The following EML5 variants were observed in gnomAD, a reference collection of about 807,000 sequenced individuals.
EML5 encodes echinoderm microtubule-associated protein-like 5.
In EML5, 120 loss-of-function variants were observed where a neutral mutation model predicts 250.0. The observed-to-expected ratio is 0.48, with a 90% confidence interval of 0.41 to 0.56. The LOEUF is 0.56. EML5 is among the 20% of genes least tolerant of loss of function. The probability of loss-of-function intolerance (pLI) is 0.00; values close to 1 mark genes in which losing one functional copy is unlikely to be tolerated. For synonymous variants in EML5, 771 were observed against 806.5 expected, an observed-to-expected ratio of 0.96 and a Z score of 0.75; for missense variants, 2,006 against 2,437.6, an observed-to-expected ratio of 0.82 and a Z score of 3.73.
intron 37 of EML5, 21 bp downstream of exon 37, chr14:88,622,583 T>C (rs776465663): frequency 6.4e-7 from 1 of 1,564,404 alleles, no homozygotes; most frequent in Non-Finnish European, 8.7e-7. Context: ...CTGCACTGTA[T>C]CAGCTCATGG....
intron 33 of EML5, among the ~76,000 whole-genome samples, chr14:88,630,023 A>ATTTTTTTT (rs58382081): frequency 8.3e-5 from 7 of 84,246 alleles, no homozygotes; most frequent in Non-Finnish European, 1.6e-4. Flanking sequence ...TAAAAACTGT[A>ATTTTTTTT]TTTTTTTTTT....
Position 88,750,850 on chromosome 14 carries a change from T to C in EML5, c.357+3662A>G, listed in dbSNP as rs535455388. On this transcript the variant is annotated intron_variant, in intron 2 of 43. Coordinates refer to ENST00000554922, the MANE Select transcript of EML5 (RefSeq NM_183387.3). The stretch of plus-strand genomic sequence containing the variant: ...TCAGCAAAAATCTAGCTAGAACAAA[T>C]GTATCTACCTCTTGCTATCAGAATA... Among the ~76,000 whole-genome samples the C allele has an allele frequency of 2.6e-5, 4 of 152,280 alleles. No homozygotes were observed. The East Asian group carries it at 5.8e-4, about 22-fold the overall frequency.
chr14:88,674,542 T>C (rs1170918060), intron 21 of EML5, among the ~76,000 whole-genome samples: 2 of 152,054 alleles, frequency 1.3e-5, no homozygotes, highest in Non-Finnish European at 2.9e-5. Context: ...CATGATTCAA[T>C]TACCTCCCAC....
intron 14 of EML5, among the ~76,000 whole-genome samples, chr14:88,699,792 G>C (rs1002823613): frequency 6.6e-6 from 1 of 152,072 alleles, no homozygotes; most frequent in African/African-American, 2.4e-5. Context: ...TCCAGGCTTA[G>C]GCAACCAAGT....
At chr14:88,618,128 A>G (rs1321950313) in intron 41 of EML5, 100 bp downstream of exon 41, 1 of 920,366 alleles carries the variant, frequency 1.1e-6, no homozygotes, top group East Asian at 2.6e-5. Context: ...TTGAAACTCA[A>G]TTACTATTCC....
At position 88,615,796 on chromosome 14, in the gene EML5, T is replaced by G; in HGVS notation, c.*22A>C. 1 of 1,607,506 alleles carries G rather than the reference T, an allele frequency of 6.2e-7. No individual in the cohort carries two copies. The highest frequency in any genetic ancestry group is 8.5e-7 in the Non-Finnish European group (1 of 1,177,016). On this transcript the variant is annotated 3_prime_UTR_variant, in exon 44 of 44. Transcript: ENST00000554922. ...TGTAATTCTGGTCTCAAAGTTAATT[T>G]CTGTAGTCATCTCAGCATCTCTCAG...
chr14:88,686,471 C>T (rs1158850500), intron 19 of EML5, among the ~76,000 whole-genome samples: 1 of 151,736 alleles, frequency 6.6e-6, no homozygotes, highest in Non-Finnish European at 1.5e-5. Flanking sequence ...GGAGGATGGT[C>T]GGCGGACAGG....
chr14:88,699,308 C>T (rs982198629), intron 14 of EML5, among the ~76,000 whole-genome samples: 1 of 151,946 alleles, frequency 6.6e-6, no homozygotes, highest in Non-Finnish European at 1.5e-5. Context: ...AAATAGTTTA[C>T]AAAGAGGCAA....
At chr14:88,678,003 G>A (rs1244977327) in intron 21 of EML5, among the ~76,000 whole-genome samples, 1 of 152,158 alleles carries the variant, frequency 6.6e-6, no homozygotes, top group Non-Finnish European at 1.5e-5. Context: ...TATGTTCACT[G>A]CAGCACTATT....
Position 88,665,403 on chromosome 14 carries a change from T to A in EML5, c.3211A>T (p.Thr1071Ser), listed in dbSNP as rs1178485569. The change falls in exon 22 of 44, where the codon ACT becomes TCT. Residue 1071 changes from threonine to serine, a missense_variant. Thr to Ser is a moderately conservative substitution (Grantham distance 58). Around this residue, in one of 7 missense-constraint regions of EML5, gnomAD observed 1,375 missense variants for 1,590.3 expected, o/e 0.86. Coordinates refer to ENST00000554922, the MANE Select transcript of EML5 (RefSeq NM_183387.3). ...DGSFLMANAD[T>S]LEDLVSFHHR... ...TGAAAAGACACAAGATCCTCTAGAG[T>A]ATCCGCATTTGCCATTAAGAAGCTT... is the stretch of plus-strand genomic sequence containing the variant. The A allele has an allele frequency of 6.2e-7, 1 of 1,613,860 alleles. No homozygotes were observed. Among genetic ancestry groups the A allele is most frequent in the Non-Finnish European group, 8.5e-7 (1 of 1,179,852 alleles).
Position 88,612,988 on chromosome 14 carries a change from A to AG in EML5, c.*2829_*2830insC, listed in dbSNP as rs1272717370. ...GACCAAATTAAACTGCTAAAAAAAA[A>AG]AAAAAAGTTCATTGACTTGCTTAGT... On this transcript the variant is annotated 3_prime_UTR_variant, in exon 44 of 44. Transcript: ENST00000554922. The AG allele has an allele frequency of 6.6e-6, 1 of 152,620 alleles. No homozygotes were observed. The highest frequency in any genetic ancestry group is 1.5e-5 in the Non-Finnish European group (1 of 68,044). The allele number at this position is 152,620 out of a possible 1,614,324, so 9.5% of individuals were successfully genotyped here.
chr14:88,762,673 G>A (rs1309424101), intron 1 of EML5, among the ~76,000 whole-genome samples: 1 of 152,038 alleles, frequency 6.6e-6, no homozygotes, highest in African/African-American at 2.4e-5. Context: ...AACAGACATT[G>A]ACAGAACTCT....
intron 33 of EML5, among the ~76,000 whole-genome samples, chr14:88,630,023 A>ATTTTTTTTTTTTTTTTTTTTTTTTTTT (rs58382081): frequency 1.2e-5 from 1 of 84,246 alleles, no homozygotes; most frequent in African/African-American, 4.8e-5. Flanking sequence ...TAAAAACTGT[A>ATTTTTTTTTTTTTTTTTTTTTTTTTTT]TTTTTTTTTT....
At chr14:88,742,743 C>T (rs975536503) in intron 4 of EML5, among the ~76,000 whole-genome samples, 7 of 152,096 alleles carry the variant, frequency 4.6e-5, no homozygotes, top group African/African-American at 1.4e-4. Flanking sequence ...GCCCAGCATA[C>T]AGCCTTTTTG....
intron 7 of EML5, among the ~76,000 whole-genome samples, chr14:88,734,805 C>G (rs1386555264): frequency 6.6e-6 from 1 of 151,928 alleles, no homozygotes; most frequent in Non-Finnish European, 1.5e-5. Context: ...TGCAATTAGC[C>G]AAATCCAGAA....
At chr14:88,752,967 C>T (rs1424877290) in intron 2 of EML5, among the ~76,000 whole-genome samples, 1 of 152,138 alleles carries the variant, frequency 6.6e-6, no homozygotes, top group East Asian at 1.9e-4. Flanking sequence ...CCATATACAC[C>T]ACCCTTCAAT....
rs1427910524 is a variant in EML5 at position 88,688,335 on chromosome 14, A to T, written c.2678T>A (p.Ile893Asn). ...CGCTTTCACTGTTTTTACAAGAAAG[A>T]TGTCTCTCCAGATACACACATCTCC... The part of the protein sequence containing the change: ...STGDVCIWRD[I>N]FLVKTVKAHD... The change falls in exon 18 of 44, where the codon ATC becomes AAC. Residue 893 changes from isoleucine (I) to asparagine (N), a missense_variant. Coordinates refer to ENST00000554922, the MANE Select transcript of EML5 (RefSeq NM_183387.3). The T allele has an allele frequency of 6.2e-7, 1 of 1,613,986 alleles. No homozygotes were observed. Among genetic ancestry groups the T allele is most frequent in the Non-Finnish European group, 8.5e-7 (1 of 1,179,900 alleles).
At chr14:88,711,925 A>G (rs935275525) in intron 10 of EML5, among the ~76,000 whole-genome samples, 20 of 150,920 alleles carry the variant, frequency 1.3e-4, no homozygotes, top group African/African-American at 4.9e-4. Context: ...CCTGGGCAAC[A>G]GAGTGAGACC....
chr14:88,664,275 C>CA (rs35920066), intron 23 of EML5, among the ~76,000 whole-genome samples: 28,080 of 105,378 alleles, frequency 0.27, 4,540 homozygotes, highest in African/African-American at 0.49. Context: ...AGACCTGTCT[C>CA]AAAAAAAAAA....
Sources: gnomAD v4.1 joint callset for allele counts (sites outside exome capture counted in the v4.1 genomes callset) on GRCh38, gnomAD v4.1.1 for gene constraint, gnomAD v4.1.1 regional missense constraint, MANE v1.5 for transcripts, NCBI Gene and HGNC (gene_info 2026-07-23, HGNC 2026-07-21) for gene names.